The following RPH3A variants were observed in gnomAD, a reference collection of about 807,000 sequenced individuals.
The protein encoded by RPH3A is rabphilin-3A.
In RPH3A, 48 loss-of-function variants were observed where a neutral mutation model predicts 102.2. That is an observed-to-expected ratio of 0.47 (90% confidence interval 0.37 to 0.60). The LOEUF is 0.60. Among genes scored for constraint, RPH3A ranks in the 20% least tolerant of loss-of-function variants. The pLI is 0.00. For synonymous variants in RPH3A, 310 were observed against 324.3 expected, an observed-to-expected ratio of 0.96 and a Z score of 0.47; for missense variants, 781 against 910.1, an observed-to-expected ratio of 0.86 and a Z score of 1.83.
chr12:112,789,480 G>A (rs775210763), upstream of RPH3A, among the ~76,000 whole-genome samples: 3 of 152,204 alleles, frequency 2.0e-5, no homozygotes, highest in African/African-American at 7.2e-5. Context: ...ACGACACTGA[G>A]TTTGAATGCT....
chr12:112,664,674 G>A (rs914864165), intron 1 of RPH3A, among the ~76,000 whole-genome samples: 9 of 152,098 alleles, frequency 5.9e-5, no homozygotes, highest in African/African-American at 2.2e-4. Flanking sequence ...GCAACTTCAA[G>A]TTTTGAATGG....
intron 5 of RPH3A, among the ~76,000 whole-genome samples, chr12:112,858,323 C>T (rs765798933): frequency 6.1e-5 from 9 of 146,454 alleles, no homozygotes; most frequent in African/African-American, 1.0e-4. Flanking sequence ...AAAAAAAAGG[C>T]GGGCGGGGGT....
chr12:112,729,514 G>A (rs886302342), intron 1 of RPH3A, among the ~76,000 whole-genome samples: 3 of 151,966 alleles, frequency 2.0e-5, no homozygotes, highest in Non-Finnish European at 4.4e-5. Context: ...TTTTATCGCA[G>A]GTGTCTTGTT....
chr12:112,879,237 C>A, intron 14 of RPH3A, 39 bp downstream of exon 14: 1 of 1,561,570 alleles, frequency 6.4e-7, no homozygotes, highest in Non-Finnish European at 8.8e-7. Flanking sequence ...TCTCAGGATG[C>A]TCTGGCATGG....
At chr12:112,723,655 G>A (rs1165043824) in intron 1 of RPH3A, among the ~76,000 whole-genome samples, 7 of 152,172 alleles carry the variant, frequency 4.6e-5, no homozygotes, top group Non-Finnish European at 5.9e-5. Context: ...CACGAGAACC[G>A]CTAGAGATCA....
At chr12:112,794,892 G>A (rs544077068) in intron 2 of RPH3A, among the ~76,000 whole-genome samples, 3 of 152,306 alleles carry the variant, frequency 2.0e-5, no homozygotes, top group African/African-American at 7.2e-5. Context: ...GTTCAGCAGT[G>A]TCTCTCCAGC....
intron 16 of RPH3A, among the ~76,000 whole-genome samples, chr12:112,884,654 A>G (rs1235867676): frequency 2.0e-5 from 3 of 152,174 alleles, no homozygotes; most frequent in Admixed American, 2.0e-4. Flanking sequence ...GGATCATGGG[A>G]TATGTGATGT....
chr12:112,868,623 G>T lies in RPH3A; in HGVS notation c.610+28G>T. 3.7e-6 allele frequency: 6 copies of T among 1,605,712 alleles called. No individual in the cohort carries two copies. The Admixed American group carries it at 6.8e-5, about 18-fold the overall frequency. On this transcript the variant is annotated intron_variant, in intron 8 of 21. Transcript: ENST00000389385. Reference sequence around the variant, plus strand: ...AGGACAAAACAGGTGCTTCTTTCAGGACCAAGGACAGATCTTAGCCAACTG... The same window carrying T: ...AGGACAAAACAGGTGCTTCTTTCAGTACCAAGGACAGATCTTAGCCAACTG...
intron 1 of RPH3A, among the ~76,000 whole-genome samples, chr12:112,589,943 C>T (rs1250214799): frequency 1.3e-5 from 2 of 152,046 alleles, no homozygotes; most frequent in Non-Finnish European, 2.9e-5. Flanking sequence ...ATTATCTGGG[C>T]GTGATAGTGC....
chr12:112,812,819 T>C (rs1203777824), intron 2 of RPH3A, among the ~76,000 whole-genome samples: 1 of 152,258 alleles, frequency 6.6e-6, no homozygotes, highest in Non-Finnish European at 1.5e-5. Context: ...ACTACAGCTC[T>C]GGCCTTCTGA....
At chr12:112,616,441 G>A (rs1050101223) in intron 1 of RPH3A, among the ~76,000 whole-genome samples, 2 of 152,078 alleles carry the variant, frequency 1.3e-5, no homozygotes, top group African/African-American at 4.8e-5. Flanking sequence ...GCCACCGCGC[G>A]CAGTCTGGAT....
intron 1 of RPH3A, among the ~76,000 whole-genome samples, chr12:112,722,005 C>T (rs1006223357): frequency 6.6e-5 from 10 of 152,142 alleles, no homozygotes; most frequent in African/African-American, 2.4e-4. Context: ...AATCTGTCTG[C>T]ACCTATGGTA....
chr12:112,671,909 T>C (rs937496680), intron 1 of RPH3A, among the ~76,000 whole-genome samples: 1 of 151,712 alleles, frequency 6.6e-6, no homozygotes, highest in South Asian at 2.1e-4. Flanking sequence ...AGGATATATA[T>C]ACACACACAT....
chr12:112,613,092 T>C (rs2039651395), intron 1 of RPH3A, among the ~76,000 whole-genome samples: 1 of 152,200 alleles, frequency 6.6e-6, no homozygotes, highest in Non-Finnish European at 1.5e-5. Context: ...TCATTTAACC[T>C]GCACAACAGC....
rs2043189636 is a variant in RPH3A at position 112,896,982 on chromosome 12, T to A, written c.*202T>A. Reference sequence around the variant, plus strand: ...CTGATGCTGGGATGTGGGCTCTGAATACAGCCCCTCTCTCATCCCTGGGAT... The same window carrying A: ...CTGATGCTGGGATGTGGGCTCTGAAAACAGCCCCTCTCTCATCCCTGGGAT... On this transcript the variant is annotated 3_prime_UTR_variant, in exon 22 of 22. Coordinates refer to ENST00000389385, the MANE Select transcript of RPH3A (RefSeq NM_001143854.2). 1 of 568,316 alleles carries A rather than the reference T, an allele frequency of 1.8e-6. No homozygotes were observed. The highest frequency in any genetic ancestry group is 2.2e-5 in the South Asian group (1 of 45,570). The allele number at this position is 568,316 out of a possible 1,614,324, so 35.2% of individuals were successfully genotyped here. A position where few individuals can be genotyped will look rare whatever the true frequency, so the allele number is the denominator to read the frequency against.
chr12:112,810,401 G>A (rs1313721498), intron 2 of RPH3A, among the ~76,000 whole-genome samples: 1 of 152,172 alleles, frequency 6.6e-6, no homozygotes, highest in Non-Finnish European at 1.5e-5. Context: ...TGCGGATGCC[G>A]GAGATTGACA....
At chr12:112,826,914 G>C (rs2041886315) in intron 2 of RPH3A, among the ~76,000 whole-genome samples, 1 of 152,100 alleles carries the variant, frequency 6.6e-6, no homozygotes. Context: ...ACATGTCTTA[G>C]AACATAAGCA....
intron 7 of RPH3A, 97 bp from the exon 8 acceptor site, chr12:112,868,333 C>T (rs1024844673): frequency 4.8e-6 from 6 of 1,252,020 alleles, no homozygotes; most frequent in Non-Finnish European, 6.8e-6. Flanking sequence ...TGTCAGTGTG[C>T]TTTGGATGAG....
intron 1 of RPH3A, among the ~76,000 whole-genome samples, chr12:112,709,068 C>T (rs2040443240): frequency 2.6e-5 from 4 of 152,094 alleles, no homozygotes; most frequent in Non-Finnish European, 4.4e-5. Context: ...AAAACTCTTA[C>T]TCTCTTAAAA....
Sources: gnomAD v4.1 joint callset for allele counts (sites outside exome capture counted in the v4.1 genomes callset) on GRCh38, gnomAD v4.1.1 for gene constraint, MANE v1.5 for transcripts, NCBI Gene and HGNC (gene_info 2026-07-23, HGNC 2026-07-21) for gene names.